Variants in KMT2C observed in about 807,000 individuals in gnomAD.
KMT2C encodes lysine methyltransferase 2C, also known as histone-lysine N-methyltransferase 2C.
Under a neutral mutation model 507.9 loss-of-function variants are expected in KMT2C, and 88 were observed. The observed-to-expected ratio is 0.17, with a 90% CI of 0.15 to 0.21. The LOEUF (loss-of-function observed/expected upper bound fraction) is 0.21. Ranked by LOEUF, KMT2C falls within the 10% of genes least tolerant of loss-of-function variation. KMT2C has a pLI of 1.00. For missense variants in KMT2C, 4,954 were observed against 5,957.8 expected (o/e 0.83, Z 5.55); for synonymous variants, 2,049 against 2,080.8 (o/e 0.98, Z 0.42).
At position 152,156,072 on chromosome 7, in the gene KMT2C, A is replaced by C. The variant is rs376503162; in HGVS notation, c.11813-15T>G. On this transcript the variant is annotated splice_polypyrimidine_tract_variant and intron_variant, in intron 45 of 58. Coordinates refer to ENST00000262189, the MANE Select transcript of KMT2C (RefSeq NM_170606.3). Reference sequence around the variant, plus strand: ...AGTTTTGGTAACTGGAAAAGCAAAAACACAAAACCATAAATACATTCAGTC... The same window carrying C: ...AGTTTTGGTAACTGGAAAAGCAAAACCACAAAACCATAAATACATTCAGTC... 6 of 1,595,722 alleles carry C rather than the reference A, an allele frequency of 3.8e-6. No homozygotes were observed. The African/African-American group carries it at 8.2e-5, about 22-fold the overall frequency.
At chr7:152,246,336 G>A (rs907561046) in intron 14 of KMT2C, among the ~76,000 whole-genome samples, 1 of 152,050 alleles carries the variant, frequency 6.6e-6, no homozygotes, top group Non-Finnish European at 1.5e-5. Context: ...AACAAGAGGG[G>A]CAGAAAAATA....
rs1418418439 is a variant in KMT2C at position 152,268,465 on chromosome 7, T to C, written c.1013-3256A>G. On this transcript the variant is annotated intron_variant, in intron 7 of 58. Coordinates refer to ENST00000262189, the MANE Select transcript of KMT2C (RefSeq NM_170606.3). ...ACTTTTTTAACTTTGTATCCCCAACTGCCTAACATGAATCAAGTCTTATTG... is the reference window on the plus strand; with the variant it reads ...ACTTTTTTAACTTTGTATCCCCAACCGCCTAACATGAATCAAGTCTTATTG... 1.4e-4 allele frequency among the ~76,000 whole-genome samples: 21 copies of C among 152,296 alleles called. No homozygotes were observed. In the East Asian group the frequency reaches 3.9e-3, roughly 28 times the overall value.
chr7:152,226,672 A>G (rs530219434), intron 18 of KMT2C, among the ~76,000 whole-genome samples: 8 of 152,210 alleles, frequency 5.3e-5, no homozygotes, highest in Non-Finnish European at 7.3e-5. Context: ...CCTAGGGGTA[A>G]GATCAGGGTG....
chr7:152,240,190 G>A (rs1435028075), intron 14 of KMT2C, among the ~76,000 whole-genome samples: 1 of 152,186 alleles, frequency 6.6e-6, no homozygotes, highest in Non-Finnish European at 1.5e-5. Context: ...AACCACTGCA[G>A]GTCAATTACC....
intron 7 of KMT2C, among the ~76,000 whole-genome samples, chr7:152,271,129 ATTCATTGTT>A (rs1233032607): frequency 5.9e-5 from 9 of 152,160 alleles, no homozygotes; most frequent in Non-Finnish European, 1.3e-4. Context: ...TGTGAATTCC[ATTCATTGTT>A]TTCATTTAAC....
Position 152,304,552 on chromosome 7 carries a change from C to T in KMT2C, c.849+5414G>A, listed in dbSNP as rs189698148. On this transcript the variant is annotated intron_variant, in intron 6 of 58. Coordinates refer to ENST00000262189, the MANE Select transcript of KMT2C (RefSeq NM_170606.3). ...CATCTGTTTTCAAAATGTTCAACGC[C>T]CCAGGACATGTTTCTTTGAAAAGTC... Among the ~76,000 whole-genome samples, 196 of 152,148 alleles carry T rather than the reference C, an allele frequency of 1.3e-3. 1 individual carries two copies. Among genetic ancestry groups the T allele is most frequent in the African/African-American group, 4.5e-3 (188 of 41,506 alleles).
chr7:152,162,543 T>C lies in KMT2C; in HGVS notation c.11034A>G (p.Thr3678=), dbSNP rs766666648. ...TATTGGGCAGTTTGTTCTCTAATTC[T>C]GTACATAGCTGGCCTGCTGCCATAT... ...TPNMAAGQLC[T]ELENKLPNSD... Residue 3678 remains threonine, a synonymous_variant, in exon 43 of 59, where the codon ACA becomes ACG. Transcript: ENST00000262189. 3.7e-6 allele frequency: 6 copies of C among 1,614,262 alleles called. No individual in the cohort carries two copies. Among genetic ancestry groups the C allele is most frequent in the Non-Finnish European group, 5.1e-6 (6 of 1,180,048 alleles).
At chr7:152,262,965 C>A (rs1414395298) in intron 9 of KMT2C, 51 bp downstream of exon 9, 2 of 1,381,296 alleles carry the variant, frequency 1.4e-6, no homozygotes, top group Non-Finnish European at 2.0e-6. Context: ...TGTCTGGTCT[C>A]CATATAAAAC....
intron 2 of KMT2C, among the ~76,000 whole-genome samples, chr7:152,333,483 T>A (rs1314468709): frequency 1.3e-5 from 2 of 152,168 alleles, no homozygotes; most frequent in Non-Finnish European, 2.9e-5. Context: ...CCTCTGGACT[T>A]TATGATTTGT....
At chr7:152,391,135 C>A (rs1011734160) in intron 1 of KMT2C, among the ~76,000 whole-genome samples, 2 of 43,872 alleles carry the variant, frequency 4.6e-5, no homozygotes, top group Non-Finnish European at 7.3e-5. Context: ...CAGAGTGAGA[C>A]TGTCTCCAAA....
At chr7:152,368,443 G>A in intron 1 of KMT2C, 7 of 1,175,600 alleles carry the variant, frequency 6.0e-6, no homozygotes, top group Non-Finnish European at 8.7e-6. Context: ...AGAGATGAAG[G>A]TCAAATAAAA....
At chr7:152,291,677 C>G (rs2129186767) in intron 6 of KMT2C, among the ~76,000 whole-genome samples, 1 of 152,296 alleles carries the variant, frequency 6.6e-6, no homozygotes, top group African/African-American at 2.4e-5. Context: ...GCACTAACTT[C>G]TGGAGTATGT....
intron 54 of KMT2C, 48 bp downstream of exon 54, chr7:152,145,105 T>A (rs1472346452): frequency 1.3e-6 from 2 of 1,587,090 alleles, no homozygotes; most frequent in African/African-American, 2.7e-5. Context: ...AAACCACTAA[T>A]ACGCCTAGAA....
At chr7:152,249,286 C>T (rs1229714452) in intron 13 of KMT2C, among the ~76,000 whole-genome samples, 5 of 150,644 alleles carry the variant, frequency 3.3e-5, no homozygotes, top group Admixed American at 1.3e-4. Flanking sequence ...ACACTGCTAG[C>T]CTCATTTACC....
At chr7:152,293,960 C>A (rs1245075220) in intron 6 of KMT2C, among the ~76,000 whole-genome samples, 1 of 151,846 alleles carries the variant, frequency 6.6e-6, no homozygotes, top group African/African-American at 2.4e-5. Flanking sequence ...TGGGCTCAAG[C>A]CATCCCTCCC....
At chr7:152,309,719 C>T (rs1037266128) in intron 6 of KMT2C, among the ~76,000 whole-genome samples, 2 of 151,624 alleles carry the variant, frequency 1.3e-5, no homozygotes, top group Non-Finnish European at 2.9e-5. Flanking sequence ...AGGGGTTTTA[C>T]CATGTTGGCC....
chr7:152,399,133 C>T (rs985111816), intron 1 of KMT2C, among the ~76,000 whole-genome samples: 7 of 152,060 alleles, frequency 4.6e-5, no homozygotes, highest in Non-Finnish European at 1.0e-4. Context: ...CCAGCCAGTA[C>T]TCGCTTTTAT....
chr7:152,199,339 C>G lies in KMT2C; in HGVS notation c.4213G>C (p.Asp1405His), dbSNP rs2129133011. 1 of 1,604,576 alleles carries G rather than the reference C, an allele frequency of 6.2e-7. No homozygotes were observed. The highest frequency in any genetic ancestry group is 8.5e-7 in the Non-Finnish European group (1 of 1,176,850). Residue 1405 changes from aspartate (D) to histidine (H), a missense_variant, in exon 27 of 59, where the codon GAT becomes CAT. This residue lies in a region of KMT2C where 140 missense variants were observed against 118.4 expected (regional missense o/e 1.18). Transcript: ENST00000262189. Reference sequence around the variant, plus strand: ...CTAAGTAGTGGATCTAAGGAAGGATCCAAGAAACCTGTGTTCATGTTTGTT... The same window carrying G: ...CTAAGTAGTGGATCTAAGGAAGGATGCAAGAAACCTGTGTTCATGTTTGTT... ...YKTNMNTGFL[D>H]PSLDPLLSSS... is the part of the protein sequence containing the mutation.
At chr7:152,413,997 G>A (rs1424977346) in intron 1 of KMT2C, among the ~76,000 whole-genome samples, 6 of 152,062 alleles carry the variant, frequency 3.9e-5, no homozygotes, top group Non-Finnish European at 8.8e-5. Context: ...GGACCACTAG[G>A]TCAGAAATTC....
Sources: gnomAD v4.1 joint callset for allele counts (sites outside exome capture counted in the v4.1 genomes callset) on GRCh38, gnomAD v4.1.1 for gene constraint, gnomAD v4.1.1 regional missense constraint, MANE v1.5 for transcripts, NCBI Gene and HGNC (gene_info 2026-07-23, HGNC 2026-07-21) for gene names.